SERP2: variants seen among roughly 807,000 people sequenced by gnomAD.
SERP2 encodes stress-associated endoplasmic reticulum protein 2.
SERP2 carries 6 observed loss-of-function variants against 9.1 expected under a neutral mutation model. The observed-to-expected ratio is 0.66, with a 90% confidence interval of 0.36 to 1.30. The LOEUF is 1.30. Ranked by LOEUF, SERP2 falls within the 50% of genes most tolerant of loss-of-function variation. The probability of loss-of-function intolerance (pLI) is 0.03; values close to 1 mark genes in which losing one functional copy is unlikely to be tolerated. For synonymous variants in SERP2, 37 were observed against 27.3 expected (o/e 1.35, Z -1.10); for missense variants, 58 against 81.9 (o/e 0.71, Z 1.13).
rs201423868 is a variant in SERP2 at position 44,383,839 on chromosome 13, A to G, written c.157+4126A>G. Among the ~76,000 whole-genome samples, 10 of 151,800 alleles carry G rather than the reference A, an allele frequency of 6.6e-5. No homozygotes were observed. In the East Asian group the frequency reaches 1.2e-3, roughly 18 times the overall value. ...GTGCTGGGATTACAGGCATGAGCCA[A>G]TGCGCTCGGCCACCCAGGGCTCTTT... On this transcript the variant is annotated intron_variant, in intron 2 of 2. Coordinates refer to ENST00000379179, the MANE Select transcript of SERP2 (RefSeq NM_001010897.3).
rs144432500 is a variant in SERP2 at position 44,382,037 on chromosome 13, T to C, written c.157+2324T>C. On this transcript the variant is annotated intron_variant, in intron 2 of 2. Transcript: ENST00000379179. ...ATGGATGGATGGATGGATGGATGGATAAAGCCAGATATTCCTCATACTGTA... is the reference window on the plus strand; with the variant it reads ...ATGGATGGATGGATGGATGGATGGACAAAGCCAGATATTCCTCATACTGTA... 2.7e-3 allele frequency among the ~76,000 whole-genome samples: 408 copies of C among 150,036 alleles called. 4 individuals carry two copies. The highest frequency in any genetic ancestry group is 9.2e-3 in the African/African-American group (377 of 41,018).
chr13:44,392,062 G>A (rs1436745455), intron 2 of SERP2, among the ~76,000 whole-genome samples: 2 of 151,582 alleles, frequency 1.3e-5, no homozygotes, highest in Admixed American at 1.3e-4. Context: ...GCTGGGCATG[G>A]TGGTGCGCTC....
chr13:44,393,005 G>A (rs1872870824), intron 2 of SERP2, among the ~76,000 whole-genome samples: 1 of 149,494 alleles, frequency 6.7e-6, no homozygotes, highest in African/African-American at 2.4e-5. Context: ...TTAGAACCTA[G>A]AAGACCATGG....
chr13:44,379,212 T>C (rs1318695147), intron 1 of SERP2, among the ~76,000 whole-genome samples: 1 of 152,238 alleles, frequency 6.6e-6, no homozygotes, highest in Admixed American at 6.5e-5. Context: ...TAACAAACTT[T>C]GAGCCTCAGT....
At chr13:44,380,559 T>A (rs908904813) in intron 2 of SERP2, among the ~76,000 whole-genome samples, 2 of 151,938 alleles carry the variant, frequency 1.3e-5, no homozygotes, top group African/African-American at 2.4e-5. Flanking sequence ...AAAAAAAAAA[T>A]TTAAGATGGA....
At position 44,374,971 on chromosome 13, in the gene SERP2, C is replaced by T. The variant is rs1326068381; in HGVS notation, c.84+862C>T. Among the ~76,000 whole-genome samples, 3 of 152,152 alleles carry T rather than the reference C, an allele frequency of 2.0e-5. No homozygotes were observed. The East Asian group carries it at 5.8e-4, about 29-fold the overall frequency. ...ACTTTTAAGTAAAACCTGTGCCTTA[C>T]ACTCAGGAGTTTCTTTTAGCAAAGC... is the stretch of plus-strand genomic sequence containing the variant. On this transcript the variant is annotated intron_variant, in intron 1 of 2. Coordinates refer to ENST00000379179, the MANE Select transcript of SERP2 (RefSeq NM_001010897.3).
intron 2 of SERP2, chr13:44,390,383 G>A (rs1432113085): frequency 2.2e-6 from 1 of 445,506 alleles, no homozygotes; most frequent in African/African-American, 2.2e-5. Context: ...GGCCTCTCCT[G>A]GAGACTGCCA....
At chr13:44,381,291 C>T (rs1042430203) in intron 2 of SERP2, among the ~76,000 whole-genome samples, 1 of 150,888 alleles carries the variant, frequency 6.6e-6, no homozygotes, top group African/African-American at 2.4e-5. Flanking sequence ...CCTGTAATCC[C>T]AGCACTTTGG....
At chr13:44,396,083 G>A (rs1873085668) in intron 2 of SERP2, 1 of 232,202 alleles carries the variant, frequency 4.3e-6, no homozygotes, top group African/African-American at 2.3e-5. Flanking sequence ...AATTTAGAAA[G>A]GTAGTGATGA....
chr13:44,388,086 T>C (rs560288822), intron 2 of SERP2, among the ~76,000 whole-genome samples: 1 of 152,294 alleles, frequency 6.6e-6, no homozygotes, highest in East Asian at 1.9e-4. Flanking sequence ...TATATTACTT[T>C]TATAAGCAGA....
chr13:44,379,768 C>G (rs369317979), intron 2 of SERP2, 55 bp downstream of exon 2: 2 of 1,211,114 alleles, frequency 1.7e-6, no homozygotes, highest in East Asian at 2.4e-5. Context: ...CTTTGAAAAA[C>G]ACACGTTTTC....
chr13:44,388,129 G>A (rs1872421369), intron 2 of SERP2, among the ~76,000 whole-genome samples: 1 of 64,178 alleles, frequency 1.6e-5, no homozygotes, highest in Non-Finnish European at 2.8e-5. Context: ...CTAGACTAGT[G>A]GTTTTTGGTC....
At chr13:44,390,107 TC>T (rs1872546021) in intron 2 of SERP2, among the ~76,000 whole-genome samples, 1 of 152,240 alleles carries the variant, frequency 6.6e-6, no homozygotes, top group African/African-American at 2.4e-5. Context: ...GCAAAAGTTT[TC>T]CACCAATTTA....
In SERP2 at chr13:44,373,902, A is replaced by T; in HGVS notation, c.-124A>T. ...AGCGGGGTGCGCAGGGCTCGGGGCC[A>T]CGCCTTGCCACCTGCAGCGCCCGGG... On this transcript the variant is annotated 5_prime_UTR_variant, in exon 1 of 3. Transcript: ENST00000379179. This position sits in a 1 kb window ranked among gnomAD's most constrained non-coding sequence, Gnocchi z 4.8. 1.2e-6 allele frequency: 1 copy of T among 841,624 alleles called. No homozygotes were observed. The highest frequency in any genetic ancestry group is 1.9e-6 in the Non-Finnish European group (1 of 536,326). 52.1% of individuals were successfully genotyped at this position (841,624 alleles called of 1,614,324 possible).
intron 2 of SERP2, among the ~76,000 whole-genome samples, chr13:44,381,238 CAAAAAAAAAAA>C (rs58535681): frequency 4.3e-5 from 2 of 46,010 alleles, no homozygotes; most frequent in African/African-American, 7.0e-5. Context: ...AACTCCGTCT[CAAAAAAAAAAA>C]AAAAAAAAAA....
chr13:44,382,654 C>G (rs1035348159), intron 2 of SERP2, among the ~76,000 whole-genome samples: 1 of 152,066 alleles, frequency 6.6e-6, no homozygotes, highest in Admixed American at 6.5e-5. Context: ...TATTATTCTT[C>G]CAAGTCACTG....
intron 2 of SERP2, among the ~76,000 whole-genome samples, chr13:44,389,555 A>G (rs913197042): frequency 1.3e-5 from 2 of 152,128 alleles, no homozygotes. Flanking sequence ...AAAGCTCTGA[A>G]TGCTTAAGAG....
chr13:44,391,465 G>A (rs1872762518), intron 2 of SERP2, among the ~76,000 whole-genome samples: 1 of 152,124 alleles, frequency 6.6e-6, no homozygotes, highest in African/African-American at 2.4e-5. Flanking sequence ...TGTTATCCTG[G>A]AGCTTATAGT....
intron 2 of SERP2, among the ~76,000 whole-genome samples, chr13:44,393,958 G>A (rs1286059193): frequency 6.6e-6 from 1 of 152,132 alleles, no homozygotes; most frequent in African/African-American, 2.4e-5. Flanking sequence ...CTCCAAGAAG[G>A]TTCATCTGTG....
Sources: allele counts gnomAD v4.1 joint callset (sites outside exome capture counted in the v4.1 genomes callset), GRCh38; gene constraint gnomAD v4.1.1; non-coding constraint Gnocchi (gnomAD v3.1); transcripts MANE v1.5; gene names NCBI Gene and HGNC (gene_info 2026-07-23, HGNC 2026-07-21).